The following MFHAS1 variants were observed in gnomAD, a reference collection of about 807,000 sequenced individuals.
The protein encoded by MFHAS1 is malignant fibrous histiocytoma-amplified sequence 1.
Under a neutral mutation model 70.4 loss-of-function variants are expected in MFHAS1, and 50 were observed. The ratio of observed to expected loss-of-function variants is 0.71; its 90% CI spans 0.57 to 0.90. The LOEUF (loss-of-function observed/expected upper bound fraction) is 0.90. Among genes scored for constraint, MFHAS1 ranks in the 40% least tolerant of loss-of-function variants. The pLI is 0.00. For synonymous variants in MFHAS1, 952 were observed against 620.0 expected (o/e 1.54, Z -7.96); for missense variants, 1,795 against 1,347.6 (o/e 1.33, Z -5.20).
Position 8,892,411 on chromosome 8 carries a change from C to T in MFHAS1, c.648G>A (p.Leu216=), listed in dbSNP as rs1810099825. ...CACTGATATCCTCAGGCAGGCCCCG[C>T]AGCCGGTTGCTGGACACGTCCAGCT... ...LEELDVSSNR[L]RGLPEDISAL... is the part of the protein sequence containing the mutation. Residue 216 remains leucine (L), a synonymous_variant, in exon 1 of 3, where the codon CTG becomes CTA. Transcript: ENST00000276282. The surrounding 1 kb of genome is among the most constrained non-coding windows in gnomAD (Gnocchi z 4.7). 4 of 1,612,762 alleles carry T rather than the reference C, an allele frequency of 2.5e-6. No individual in the cohort carries two copies. Among genetic ancestry groups the T allele is most frequent in the Admixed American group, 3.3e-5 (2 of 59,960 alleles).
At chr8:8,820,653 T>C (rs1380581918) in intron 1 of MFHAS1, among the ~76,000 whole-genome samples, 1 of 152,190 alleles carries the variant, frequency 6.6e-6, no homozygotes, top group Non-Finnish European at 1.5e-5. Context: ...TACACGTCCA[T>C]GTTCCCATCC....
intron 2 of MFHAS1, chr8:8,790,324 C>T (rs1805680341): frequency 3.1e-6 from 3 of 963,380 alleles, no homozygotes; most frequent in Non-Finnish European, 2.5e-6. Flanking sequence ...GGAGACTTAC[C>T]CTTAAAAATT....
chr8:8,786,763 G>A (rs371377004), intron 2 of MFHAS1, among the ~76,000 whole-genome samples: 2 of 149,922 alleles, frequency 1.3e-5, no homozygotes, highest in African/African-American at 4.9e-5. Flanking sequence ...AAAGGAAAAA[G>A]GAGTTACGAT....
At position 8,830,207 on chromosome 8, in the gene MFHAS1, T is replaced by C. The variant is rs368447176; in HGVS notation, c.2999-32716A>G. ...CTAAGGAGAAAGCATGGCTTCGAGT[T>C]CTGTGTCAGGAAACACCAAGCAAAA... On this transcript the variant is annotated intron_variant, in intron 1 of 2. Coordinates refer to ENST00000276282, the MANE Select transcript of MFHAS1 (RefSeq NM_004225.3). Among the ~76,000 whole-genome samples the C allele has an allele frequency of 3.5e-4, 54 of 152,246 alleles. No individual in the cohort carries two copies. The South Asian group carries it at 0.011, about 31-fold the overall frequency.
chr8:8,886,073 T>C (rs1321582079), intron 1 of MFHAS1, among the ~76,000 whole-genome samples: 2 of 152,252 alleles, frequency 1.3e-5, no homozygotes, highest in East Asian at 3.8e-4. Context: ...ATAATCACGT[T>C]GTCAGATTAC....
intron 1 of MFHAS1, among the ~76,000 whole-genome samples, chr8:8,803,602 A>C (rs893719146): frequency 8.8e-6 from 1 of 113,762 alleles, no homozygotes; most frequent in African/African-American, 2.7e-5. Flanking sequence ...TTATTCCCTA[A>C]ACAAAATAGT....
chr8:8,892,710 C>A lies in MFHAS1; in HGVS notation c.349G>T (p.Asp117Tyr). 1 of 1,580,718 alleles carries A rather than the reference C, an allele frequency of 6.3e-7. No individual in the cohort carries two copies. The highest frequency in any genetic ancestry group is 2.3e-5 in the East Asian group (1 of 43,586). Residue 117 changes from aspartate (D) to tyrosine (Y), a missense_variant, in exon 1 of 3, where the codon GAC (aspartate) becomes TAC (tyrosine). Transcript: ENST00000276282. The surrounding 1 kb of genome is among the most constrained non-coding windows in gnomAD (Gnocchi z 4.7). ...AELGHHLTEL[D>Y]VSHNRLTALG... ...GCGGTCAGCCGGTTGTGGCTCACGT[C>A]CAGCTCGGTGAGGTGGTGGCCGAGC...
At chr8:8,850,898 C>T (rs757982715) in intron 1 of MFHAS1, among the ~76,000 whole-genome samples, 2 of 151,700 alleles carry the variant, frequency 1.3e-5, no homozygotes, top group Non-Finnish European at 2.9e-5. Context: ...CCCTTCAACA[C>T]TCACGTAATC....
At position 8,891,551 on chromosome 8, in the gene MFHAS1, T is replaced by G; in HGVS notation, c.1508A>C (p.Asn503Thr). 1 of 1,613,110 alleles carries G rather than the reference T, an allele frequency of 6.2e-7. No individual in the cohort carries two copies. Among genetic ancestry groups the G allele is most frequent in the Non-Finnish European group, 8.5e-7 (1 of 1,180,024 alleles). The change falls in exon 1 of 3, where the codon AAC becomes ACC. Residue 503 changes from asparagine (N) to threonine (T), a missense_variant. Asn to Thr is a moderately conservative substitution (Grantham distance 65). Transcript: ENST00000276282. This position sits in a 1 kb window ranked among gnomAD's most constrained non-coding sequence, Gnocchi z 5.4. ...SPGALYVLVV[N>T]LATYEPRHFP... ...GTGGCGAGGCTCATAGGTGGCCAAG[T>G]TGACCACCAGCACGTATAGGGCCCC...
chr8:8,829,395 G>C (rs898191164), intron 1 of MFHAS1, among the ~76,000 whole-genome samples: 1 of 152,196 alleles, frequency 6.6e-6, no homozygotes, highest in African/African-American at 2.4e-5. Flanking sequence ...CAGATCGTGA[G>C]ATCTGTCCAG....
Position 8,890,263 on chromosome 8 carries a change from G to C in MFHAS1, c.2796C>G (p.Ala932=). 6.2e-7 allele frequency: 1 copy of C among 1,614,168 alleles called. No individual in the cohort carries two copies. Among genetic ancestry groups the C allele is most frequent in the Middle Eastern group, 1.6e-4 (1 of 6,062 alleles). ...KVPVVVSYRP[A]RGVLQPDTLS... is the part of the protein sequence containing the mutation. ...GGGTGTCTGGCTGCAGGACTCCCCT[G>C]GCAGGTCTGTAACTCACAACCACAG... The change falls in exon 1 of 3, where the codon GCC becomes GCG. Residue 932 remains alanine, a synonymous_variant. Coordinates refer to ENST00000276282, the MANE Select transcript of MFHAS1 (RefSeq NM_004225.3).
chr8:8,872,381 T>C (rs1229050917), intron 1 of MFHAS1, among the ~76,000 whole-genome samples: 1 of 152,196 alleles, frequency 6.6e-6, no homozygotes, highest in East Asian at 1.9e-4. Context: ...ATTTATGAAC[T>C]GTAAAAGGGG....
intron 1 of MFHAS1, among the ~76,000 whole-genome samples, chr8:8,881,686 T>C (rs908094292): frequency 6.6e-6 from 1 of 151,906 alleles, no homozygotes; most frequent in Admixed American, 6.6e-5. Context: ...ATACAAAAAT[T>C]AGTCAGGCGT....
chr8:8,815,517 C>T (rs1366138344), intron 1 of MFHAS1, among the ~76,000 whole-genome samples: 1 of 152,190 alleles, frequency 6.6e-6, no homozygotes, highest in African/African-American at 2.4e-5. Flanking sequence ...TCCACAGCTT[C>T]GCCAGCATCT....
chr8:8,870,434 C>G (rs1809033897), intron 1 of MFHAS1, among the ~76,000 whole-genome samples: 2 of 152,082 alleles, frequency 1.3e-5, no homozygotes, highest in Non-Finnish European at 2.9e-5. Flanking sequence ...CCACCTCACT[C>G]CAGCCTAAAT....
chr8:8,792,131 G>A (rs1456701252), intron 2 of MFHAS1, among the ~76,000 whole-genome samples: 5 of 150,492 alleles, frequency 3.3e-5, no homozygotes, highest in Admixed American at 2.0e-4. Flanking sequence ...CCAGCTACTC[G>A]GCAGGGATAA....
intron 2 of MFHAS1, among the ~76,000 whole-genome samples, chr8:8,792,595 G>C (rs1805756659): frequency 6.6e-6 from 1 of 152,120 alleles, no homozygotes; most frequent in Non-Finnish European, 1.5e-5. Flanking sequence ...TACAGAGTGA[G>C]ACTTCATCTC....
chr8:8,890,405 C>G lies in MFHAS1; in HGVS notation c.2654G>C (p.Ser885Thr), dbSNP rs1809945976. 1 of 1,614,056 alleles carries G rather than the reference C, an allele frequency of 6.2e-7. No individual in the cohort carries two copies. Among genetic ancestry groups the G allele is most frequent in the Non-Finnish European group, 8.5e-7 (1 of 1,180,026 alleles). ...CCCAAGTGGAAAAGTAAAAGGAAAGCTATATTCAATCTGCAACTGCTCAGC... is the reference window on the plus strand; with the variant it reads ...CCCAAGTGGAAAAGTAAAAGGAAAGGTATATTCAATCTGCAACTGCTCAGC... ...FVAEQLQIEY[S>T]FPFTFPLGLF... Residue 885 changes from serine (S) to threonine (T), a missense_variant, in exon 1 of 3, where the codon AGC becomes ACC. Physicochemically the swap from Ser to Thr is moderately conservative, Grantham distance 58. Transcript: ENST00000276282.
rs1808011257 is a variant in MFHAS1, at chr8:8,845,821, T to A, written c.2998+44240A>T. 3.9e-5 allele frequency among the ~76,000 whole-genome samples: 6 copies of A among 152,288 alleles called. No individual in the cohort carries two copies. The South Asian group carries it at 1.2e-3, about 32-fold the overall frequency. The stretch of plus-strand genomic sequence containing the variant: ...TAATTTTCCCCACAAAATCTGCTCC[T>A]CTCCCTAGCTTTCCCAGTTCAATAA... On this transcript the variant is annotated intron_variant, in intron 1 of 2. Transcript: ENST00000276282.
Sources: gnomAD v4.1 joint callset for allele counts (sites outside exome capture counted in the v4.1 genomes callset) on GRCh38, gnomAD v4.1.1 for gene constraint, Gnocchi (gnomAD v3.1) non-coding constraint, MANE v1.5 for transcripts, NCBI Gene and HGNC (gene_info 2026-07-23, HGNC 2026-07-21) for gene names.